The following WDR35 variants were observed in gnomAD, a reference collection of about 807,000 sequenced individuals.
The protein encoded by WDR35 is WD repeat domain 35, also known as WD repeat-containing protein 35.
Under a neutral mutation model 158.3 loss-of-function variants are expected in WDR35, and 118 were observed. The observed-to-expected ratio is 0.75, with a 90% CI of 0.64 to 0.87. WDR35 has a LOEUF of 0.87. Ranked by LOEUF, WDR35 falls within the 40% of genes least tolerant of loss-of-function variation. The probability of loss-of-function intolerance (pLI) is 0.00; values close to 1 mark genes in which losing one functional copy is unlikely to be tolerated. For missense variants in WDR35, 1,263 were observed against 1,405.8 expected (o/e 0.90, Z 1.62); for synonymous variants, 448 against 476.1 (o/e 0.94, Z 0.77).
rs1387684680 is a variant in WDR35, at chr2:19,930,507, T to C, written c.3010A>G (p.Thr1004Ala). The change falls in exon 25 of 27, where the codon ACA (threonine) becomes GCA (alanine). Residue 1004 changes from threonine to alanine, a missense_variant. Coordinates refer to ENST00000281405, the MANE Select transcript of WDR35 (RefSeq NM_020779.4). ...GCATTATCTGTGAAACGATCTGTTG[T>C]AGACAGAACTTCTTCTTCCAGCAAA... ...AGLLEEEVLS[T>A]TDRFTDNAWR... 4.3e-6 allele frequency: 7 copies of C among 1,614,206 alleles called. No homozygotes were observed. The highest frequency in any genetic ancestry group is 5.9e-6 in the Non-Finnish European group (7 of 1,180,054).
intron 25 of WDR35, among the ~76,000 whole-genome samples, chr2:19,928,893 G>A (rs933182278): frequency 4.6e-5 from 7 of 151,418 alleles, no homozygotes; most frequent in South Asian, 2.1e-4. Flanking sequence ...TGCAAGCTCC[G>A]CCTCCCAGGT....
chr2:19,912,810 C>T lies in WDR35; in HGVS notation c.*748G>A, dbSNP rs1183826788. On this transcript the variant is annotated 3_prime_UTR_variant, in exon 27 of 27. Coordinates refer to ENST00000281405, the MANE Select transcript of WDR35 (RefSeq NM_020779.4). ...CCTCAACAATACTTGTGTAAATAAA[C>T]GGTCCAACTTAGTGACAATGTTTCA... The T allele has an allele frequency of 2.6e-5, 4 of 152,138 alleles. No individual in the cohort carries two copies. The highest frequency in any genetic ancestry group is 2.1e-4 in the South Asian group (1 of 4,826). The allele number at this position is 152,138 out of a possible 1,614,324, so 9.4% of individuals were successfully genotyped here.
intron 4 of WDR35, among the ~76,000 whole-genome samples, chr2:19,979,232 C>A (rs1672308828): frequency 6.6e-6 from 1 of 151,932 alleles, no homozygotes; most frequent in African/African-American, 2.4e-5. Context: ...CTAACTTTTC[C>A]CACTTGAACA....
chr2:19,973,665 C>G lies in WDR35; in HGVS notation c.780G>C (p.Gln260His). 6.2e-7 allele frequency: 1 copy of G among 1,614,228 alleles called. No homozygotes were observed. Among genetic ancestry groups the G allele is most frequent in the Non-Finnish European group, 8.5e-7 (1 of 1,180,046 alleles). Residue 260 changes from glutamine to histidine, a missense_variant, in exon 8 of 27, where the codon CAG becomes CAC. Physicochemically the swap from Gln to His is conservative, Grantham distance 24. Transcript: ENST00000281405. ...IDTGMYVVGI[Q>H]WNHMGSVLAV... ...CTAACACGCTGCCCATGTGGTTCCA[C>G]TGGATGCCTACTACGTACATGCCAG... is the stretch of plus-strand genomic sequence containing the variant.
chr2:19,922,783 C>T (rs953501064), intron 25 of WDR35, among the ~76,000 whole-genome samples: 6 of 152,070 alleles, frequency 3.9e-5, no homozygotes, highest in Admixed American at 2.6e-4. Flanking sequence ...GGCCATAAAC[C>T]AGCCCCAAAA....
chr2:19,966,187 G>A (rs930519548), intron 10 of WDR35, among the ~76,000 whole-genome samples: 2 of 152,072 alleles, frequency 1.3e-5, no homozygotes, highest in Non-Finnish European at 2.9e-5. Context: ...CAAAGATATT[G>A]GTAGTCCTTT....
intron 5 of WDR35, among the ~76,000 whole-genome samples, chr2:19,976,711 C>G (rs1373847247): frequency 1.4e-5 from 2 of 146,514 alleles, no homozygotes; most frequent in East Asian, 3.9e-4. Flanking sequence ...TTTTTTACCA[C>G]TCCCTCCTTC....
At position 19,910,681 on chromosome 2, in the gene WDR35, T is replaced by C. The variant is rs770457685; in HGVS notation, c.*2877A>G. ...AACTTCTCACCAGGTAATTGTTTTT[T>C]ATGGTCAGTTTTGCTTTTCTTTGTC... On this transcript the variant is annotated 3_prime_UTR_variant, in exon 27 of 27. Coordinates refer to ENST00000281405, the MANE Select transcript of WDR35 (RefSeq NM_020779.4). The C allele has an allele frequency of 5.9e-5, 9 of 152,242 alleles. No individual in the cohort carries two copies. Among genetic ancestry groups the C allele is most frequent in the Non-Finnish European group, 8.8e-5 (6 of 68,044 alleles). The allele number at this position is 152,242 out of a possible 1,614,324, so 9.4% of individuals were successfully genotyped here.
intron 25 of WDR35, among the ~76,000 whole-genome samples, chr2:19,924,093 T>C (rs1348601018): frequency 6.6e-6 from 1 of 152,106 alleles, no homozygotes; most frequent in Non-Finnish European, 1.5e-5. Flanking sequence ...GCTGGGCTGG[T>C]TTAGATGCAC....
At chr2:19,967,209 T>C (rs563873930) in intron 9 of WDR35, among the ~76,000 whole-genome samples, 2 of 152,326 alleles carry the variant, frequency 1.3e-5, no homozygotes, top group South Asian at 4.1e-4. Flanking sequence ...TAATAACTGC[T>C]GGAGAGGGGA....
intron 11 of WDR35, among the ~76,000 whole-genome samples, chr2:19,960,286 T>C (rs962943556): frequency 6.6e-6 from 1 of 152,128 alleles, no homozygotes; most frequent in Non-Finnish European, 1.5e-5. Flanking sequence ...GATGGTACTA[T>C]AGCAGTTGTG....
At chr2:19,955,381 A>G (rs575884945) in intron 11 of WDR35, among the ~76,000 whole-genome samples, 15 of 152,340 alleles carry the variant, frequency 9.8e-5, no homozygotes, top group African/African-American at 3.1e-4. Flanking sequence ...TAAGCAAATA[A>G]TTCTTTTCAT....
intron 10 of WDR35, among the ~76,000 whole-genome samples, chr2:19,965,092 T>C (rs968604701): frequency 1.3e-5 from 2 of 152,002 alleles, no homozygotes; most frequent in Non-Finnish European, 2.9e-5. Context: ...CCCAGCTAAT[T>C]TTGTATATTT....
chr2:19,914,229 T>G lies in WDR35; in HGVS notation c.3170A>C (p.Tyr1057Ser), dbSNP rs541910371. 6.2e-7 allele frequency: 1 copy of G among 1,613,974 alleles called. No individual in the cohort carries two copies. The highest frequency in any genetic ancestry group is 1.1e-5 in the South Asian group (1 of 91,070). Residue 1057 changes from tyrosine (Y) to serine (S), a missense_variant, in exon 26 of 27, where the codon TAC becomes TCC. Tyr to Ser is a moderately radical substitution (Grantham distance 144, BLOSUM62 -2). Coordinates refer to ENST00000281405, the MANE Select transcript of WDR35 (RefSeq NM_020779.4). ...YEDIIPPVEI[Y>S]SLLALCACAS... ...GCATGCGCAGAGTGCTAGCAGAGAG[T>G]AGATCTCCACAGGAGGGATGATGTC...
chr2:19,935,465 A>G lies in WDR35; in HGVS notation c.2547+6T>C, dbSNP rs1572327601. 5.6e-6 allele frequency: 9 copies of G among 1,612,660 alleles called. No individual in the cohort carries two copies. Among genetic ancestry groups the G allele is most frequent in the Non-Finnish European group, 7.6e-6 (9 of 1,179,410 alleles). On this transcript the variant is annotated splice_donor_region_variant and intron_variant, in intron 21 of 26. Coordinates refer to ENST00000281405, the MANE Select transcript of WDR35 (RefSeq NM_020779.4). ...AATTCCAAAAACTAAAATTTGCAATACCTACTGGAAGTAACTTGTGGTTTT... is the reference window on the plus strand; with the variant it reads ...AATTCCAAAAACTAAAATTTGCAATGCCTACTGGAAGTAACTTGTGGTTTT...
chr2:19,938,033 G>C (rs896581510), intron 18 of WDR35, 87 bp from the exon 19 acceptor site: 1 of 1,494,640 alleles, frequency 6.7e-7, no homozygotes, highest in Admixed American at 1.8e-5. Context: ...TATCATTTAT[G>C]TCTATTATTT....
In WDR35 at chr2:19,915,864, T is replaced by C. The variant is rs892602315; in HGVS notation, c.3122-1587A>G. Among the ~76,000 whole-genome samples the C allele has an allele frequency of 3.4e-5, 5 of 148,388 alleles. No individual in the cohort carries two copies. The Admixed American group carries it at 3.4e-4, about 10-fold the overall frequency. The stretch of plus-strand genomic sequence containing the variant: ...AAAGTTGACCTCGTGGAGCGTGCAG[T>C]GAGCTGAGATTATGCCACTGCACTC... On this transcript the variant is annotated intron_variant, in intron 25 of 26. Coordinates refer to ENST00000281405, the MANE Select transcript of WDR35 (RefSeq NM_020779.4).
intron 25 of WDR35, among the ~76,000 whole-genome samples, chr2:19,919,380 C>CAAAAAA (rs1302042752): frequency 3.8e-3 from 179 of 47,236 alleles, no homozygotes; most frequent in East Asian, 0.017. Flanking sequence ...GGCTCCATCT[C>CAAAAAA]AAAAAAAAAA....
rs1432166003 is a variant in WDR35 at position 19,938,190 on chromosome 2, G to A, written c.2063+75C>T. ...TCTGCTCCCATCAGGAGGATAGTAGGGGAGCAGAGGGACAAAACTGAGACT... is the reference window on the plus strand; with the variant it reads ...TCTGCTCCCATCAGGAGGATAGTAGAGGAGCAGAGGGACAAAACTGAGACT... On this transcript the variant is annotated intron_variant, in intron 18 of 26. Coordinates refer to ENST00000281405, the MANE Select transcript of WDR35 (RefSeq NM_020779.4). The A allele has an allele frequency of 2.5e-6, 4 of 1,589,610 alleles. No individual in the cohort carries two copies. In the East Asian group the frequency reaches 8.9e-5, roughly 36 times the overall value.
Sources: allele counts gnomAD v4.1 joint callset (sites outside exome capture counted in the v4.1 genomes callset), GRCh38; gene constraint gnomAD v4.1.1; transcripts MANE v1.5; gene names NCBI Gene and HGNC (gene_info 2026-07-23, HGNC 2026-07-21).